The following FHOD3 variants were observed in gnomAD, a reference collection of about 807,000 sequenced individuals.
The protein encoded by FHOD3 is formin homology 2 domain containing 3, also known as FH1/FH2 domain-containing protein 3.
Under a neutral mutation model 173.0 loss-of-function variants are expected in FHOD3, and 90 were observed. The ratio of observed to expected loss-of-function variants is 0.52; its 90% CI spans 0.44 to 0.62. The LOEUF (loss-of-function observed/expected upper bound fraction) is 0.62. Among genes scored for constraint, FHOD3 ranks in the 20% least tolerant of loss-of-function variants. FHOD3 has a pLI of 0.00. For synonymous variants in FHOD3, 828 were observed against 823.0 expected (o/e 1.01, Z -0.10); for missense variants, 1,945 against 2,034.7 (o/e 0.96, Z 0.85).
rs1054243310 is a variant in FHOD3, at chr18:36,638,849, C to G, written c.1197-10467C>G. ...GACCTCCCAAGACCACCCTCAACAG[C>G]CTTGAGCTTGTCCTGGTTTAGGAGG... On this transcript the variant is annotated intron_variant, in intron 10 of 28. Transcript: ENST00000590592. Among the ~76,000 whole-genome samples the G allele has an allele frequency of 7.9e-5, 12 of 152,168 alleles. 1 individual carries two copies. The highest frequency in any genetic ancestry group is 5.9e-4 in the Admixed American group (9 of 15,286).
chr18:36,760,874 G>A (rs1441363385), intron 27 of FHOD3, 92 bp downstream of exon 27: 1 of 1,363,678 alleles, frequency 7.3e-7, no homozygotes. Context: ...GTCCACGGCT[G>A]TGACTGGCCC....
intron 1 of FHOD3, among the ~76,000 whole-genome samples, chr18:36,352,617 T>G (rs1171398368): frequency 6.6e-6 from 1 of 152,230 alleles, no homozygotes; most frequent in Admixed American, 6.5e-5. Context: ...TGGCTGAGTG[T>G]GGATCACAGG....
intron 5 of FHOD3, among the ~76,000 whole-genome samples, chr18:36,538,827 G>A (rs191263253): frequency 5.3e-5 from 8 of 152,276 alleles, no homozygotes; most frequent in Admixed American, 1.3e-4. Context: ...TCTTTGTGGC[G>A]ATGGAATAGT....
rs1321649921 is a variant in FHOD3, at chr18:36,779,977, TTTTAGATGTAACAAATG to T, written c.*452_*468del. ...GCACAGATTGTTTACCTGTTGTGGA[TTTTAGATGTAACAAATG>T]TTTATACAAATACATACATGTACAC... On this transcript the variant is annotated 3_prime_UTR_variant, in exon 29 of 29. Transcript: ENST00000590592. 1 of 486,494 alleles carries T rather than the reference TTTTAGATGTAACAAATG, an allele frequency of 2.1e-6. No individual in the cohort carries two copies. Among genetic ancestry groups the T allele is most frequent in the Non-Finnish European group, 3.3e-6 (1 of 304,048 alleles). 30.1% of individuals were successfully genotyped at this position (486,494 alleles called of 1,614,324 possible). A position where few individuals can be genotyped will look rare whatever the true frequency, so the allele number is the denominator to read the frequency against.
At chr18:36,303,024 C>T (rs7231500) in intron 1 of FHOD3, among the ~76,000 whole-genome samples, 2,263 of 152,308 alleles carry the variant, frequency 0.015, 59 homozygotes, top group African/African-American at 0.052. Context: ...GTCATGGCCT[C>T]TTGCAACGAT....
chr18:36,403,977 C>T (rs966797862), intron 3 of FHOD3, among the ~76,000 whole-genome samples: 9 of 152,170 alleles, frequency 5.9e-5, no homozygotes, highest in Non-Finnish European at 1.2e-4. Flanking sequence ...GAAGGCTTTC[C>T]TTGTGGGATC....
chr18:36,743,463 AT>A (rs1183698821), intron 22 of FHOD3, among the ~76,000 whole-genome samples: 2 of 151,746 alleles, frequency 1.3e-5, no homozygotes, highest in African/African-American at 4.8e-5. Context: ...CTTCTGCCCC[AT>A]TTTTTTTCTG....
intron 18 of FHOD3, among the ~76,000 whole-genome samples, chr18:36,712,088 G>A (rs981220930): frequency 1.1e-4 from 17 of 152,184 alleles, no homozygotes; most frequent in Admixed American, 1.0e-3. Flanking sequence ...GAAAGATCCA[G>A]CAAGGAGCTG....
At chr18:36,686,822 A>AT (rs760214837) in intron 15 of FHOD3, among the ~76,000 whole-genome samples, 10 of 152,258 alleles carry the variant, frequency 6.6e-5, no homozygotes, top group African/African-American at 1.7e-4. Context: ...TTATTTATGG[A>AT]TTTTTTAAAA....
chr18:36,521,326 CT>C (rs2056262382), intron 5 of FHOD3, among the ~76,000 whole-genome samples: 1 of 152,166 alleles, frequency 6.6e-6, no homozygotes, highest in South Asian at 2.1e-4. Flanking sequence ...CAGCTGTGCC[CT>C]GGTATCTCCA....
chr18:36,628,242 G>T (rs929107352), intron 10 of FHOD3, among the ~76,000 whole-genome samples: 5 of 152,144 alleles, frequency 3.3e-5, no homozygotes, highest in African/African-American at 7.2e-5. Context: ...AACAGATGGG[G>T]CTAAGTGCCT....
At chr18:36,704,756 G>C (rs1028736697) in intron 17 of FHOD3, among the ~76,000 whole-genome samples, 1 of 152,140 alleles carries the variant, frequency 6.6e-6, no homozygotes, top group Non-Finnish European at 1.5e-5. Flanking sequence ...GCTTCGGAAG[G>C]CAGTTCCTGT....
intron 14 of FHOD3, among the ~76,000 whole-genome samples, chr18:36,673,621 G>A (rs1048464524): frequency 6.6e-6 from 1 of 152,168 alleles, no homozygotes; most frequent in African/African-American, 2.4e-5. Flanking sequence ...GAGACTATGG[G>A]TGAACTTAGC....
intron 3 of FHOD3, among the ~76,000 whole-genome samples, chr18:36,417,827 C>A (rs2049753802): frequency 6.6e-6 from 1 of 152,204 alleles, no homozygotes; most frequent in African/African-American, 2.4e-5. Context: ...AAATGAACTG[C>A]CTTAGAGAAG....
At position 36,718,546 on chromosome 18, in the gene FHOD3, A is replaced by G. The variant is rs140242097; in HGVS notation, c.3248A>G (p.Lys1083Arg). The G allele has an allele frequency of 1.9e-6, 3 of 1,614,082 alleles. No homozygotes were observed. Among genetic ancestry groups the G allele is most frequent in the African/African-American group, 2.7e-5 (2 of 74,904 alleles). ...GGTCAGCCCACATTCACTAAGAAAA[A>G]GAAGACCATCCGTTTGTTCTGGAAT... is the stretch of plus-strand genomic sequence containing the variant. ...PRGQPTFTKK[K>R]KTIRLFWNEV... Residue 1083 changes from lysine to arginine, a missense_variant, in exon 19 of 29, where the codon AAG (lysine) becomes AGG (arginine). By Grantham distance (26) the Lys-to-Arg change is conservative. Around this residue, in one of 5 missense-constraint regions of FHOD3, gnomAD observed 231 missense variants for 321.9 expected, o/e 0.72. Transcript: ENST00000590592.
At chr18:36,482,858 C>CACACAGAGAGAG (rs1400178557) in intron 3 of FHOD3, among the ~76,000 whole-genome samples, 19 of 130,452 alleles carry the variant, frequency 1.5e-4, no homozygotes, top group African/African-American at 4.7e-4. Context: ...CACACACACA[C>CACACAGAGAGAG]AGAGAGAGAG....
intron 6 of FHOD3, among the ~76,000 whole-genome samples, chr18:36,577,510 A>G (rs1373103083): frequency 1.3e-5 from 2 of 152,160 alleles, no homozygotes; most frequent in Non-Finnish European, 2.9e-5. Context: ...CATGTTGGCC[A>G]GTCTGGTCTT....
At chr18:36,646,446 T>C (rs2035689972) in intron 10 of FHOD3, among the ~76,000 whole-genome samples, 1 of 152,194 alleles carries the variant, frequency 6.6e-6, no homozygotes. Context: ...AGATGTCAGT[T>C]CTTCAAATTT....
At chr18:36,704,987 C>T (rs2039792382) in intron 17 of FHOD3, among the ~76,000 whole-genome samples, 1 of 74,854 alleles carries the variant, frequency 1.3e-5, no homozygotes, top group Admixed American at 1.7e-4. Flanking sequence ...CCTCTTCCTC[C>T]TCTGTCTCTC....
Sources: gnomAD v4.1 joint callset for allele counts (sites outside exome capture counted in the v4.1 genomes callset) on GRCh38, gnomAD v4.1.1 for gene constraint, gnomAD v4.1.1 regional missense constraint, MANE v1.5 for transcripts, NCBI Gene and HGNC (gene_info 2026-07-23, HGNC 2026-07-21) for gene names.